GNAS-AS1: variants seen among roughly 807,000 people sequenced by gnomAD.
The protein encoded by GNAS-AS1 is GNAS antisense RNA 1 (non-protein coding).
chr20:58,830,327 TCAC>T (rs1280934477), intron 4 of GNAS-AS1, among the ~76,000 whole-genome samples: 111 of 50,514 alleles, frequency 2.2e-3, no homozygotes, highest in Middle Eastern at 0.026. Flanking sequence ...ACCATCATCA[TCAC>T]CACCACCATC....
intron 2 of GNAS-AS1, among the ~76,000 whole-genome samples, chr20:58,845,169 G>A (rs1389770689): frequency 6.6e-6 from 1 of 152,192 alleles, no homozygotes; most frequent in Non-Finnish European, 1.5e-5. Context: ...CACTGTGGGG[G>A]ACGGCAGACT....
intron 4 of GNAS-AS1, chr20:58,839,529 C>T: frequency 2.5e-6 from 1 of 405,138 alleles, no homozygotes; most frequent in East Asian, 3.5e-5. Flanking sequence ...TTGCCGCTTG[C>T]TCCTTGCCAC....
In GNAS-AS1 at chr20:58,841,898, C is replaced by A. The variant is rs2085745164; in HGVS notation, n.819+39G>T. The A allele has an allele frequency of 8.1e-6, 10 of 1,230,454 alleles. No homozygotes were observed. In the South Asian group the frequency reaches 3.7e-4, roughly 46 times the overall value. The allele number at this position is 1,230,454 out of a possible 1,614,324, so 76.2% of individuals were successfully genotyped here. A position where few individuals can be genotyped will look rare whatever the true frequency, so the allele number is the denominator to read the frequency against. On this transcript the variant is annotated intron_variant and non_coding_transcript_variant, in intron 4 of 4. Coordinates refer to ENST00000424094, the Ensembl canonical transcript of GNAS-AS1. This position sits in a 1 kb window ranked among gnomAD's most constrained non-coding sequence, Gnocchi z 5.0. Reference sequence around the variant, plus strand: ...AAGGTAAAGCGGAACAAGGGACAGGCTGGAGACGGGGGTCGCGTCTAACAT... The same window carrying A: ...AAGGTAAAGCGGAACAAGGGACAGGATGGAGACGGGGGTCGCGTCTAACAT...
chr20:58,833,416 T>C (rs898007730), intron 4 of GNAS-AS1, among the ~76,000 whole-genome samples: 1 of 152,226 alleles, frequency 6.6e-6, no homozygotes, highest in Non-Finnish European at 1.5e-5. Flanking sequence ...TTCTCATTTC[T>C]GACGTTGAGA....
At chr20:58,846,490 C>A (rs2085944824) in intron 2 of GNAS-AS1, among the ~76,000 whole-genome samples, 1 of 152,204 alleles carries the variant, frequency 6.6e-6, no homozygotes, top group Non-Finnish European at 1.5e-5. Context: ...AGTTTTCATA[C>A]AAGTACTTCA....
Position 58,841,612 on chromosome 20 carries a change from GC to G in GNAS-AS1, n.819+324del. 1 of 1,043,534 alleles carries G rather than the reference GC, an allele frequency of 9.6e-7. No individual in the cohort carries two copies. Among genetic ancestry groups the G allele is most frequent in the East Asian group, 7.2e-5 (1 of 13,972 alleles). 64.6% of individuals were successfully genotyped at this position (1,043,534 alleles called of 1,614,324 possible). On this transcript the variant is annotated intron_variant and non_coding_transcript_variant, in intron 4 of 4. Transcript: ENST00000424094. The surrounding 1 kb of genome is among the most constrained non-coding windows in gnomAD (Gnocchi z 5.0). ...ACCGCCTCAAAGAGCGTGCGCACCT[GC>G]CCGCGCGCGCCGGAGCTGACCTCTC...
chr20:58,829,436 T>C (rs1397408054), intron 4 of GNAS-AS1, among the ~76,000 whole-genome samples: 3 of 152,202 alleles, frequency 2.0e-5, no homozygotes, highest in Admixed American at 6.5e-5. Context: ...AGGCTTCCCA[T>C]GGTTTATGGC....
intron 2 of GNAS-AS1, among the ~76,000 whole-genome samples, chr20:58,843,670 A>T (rs2085830641): frequency 6.6e-6 from 1 of 152,230 alleles, no homozygotes; most frequent in Non-Finnish European, 1.5e-5. Flanking sequence ...GGAGCAGGAG[A>T]ATAAAGCTAG....
chr20:58,846,082 A>G (rs922881679), intron 2 of GNAS-AS1, among the ~76,000 whole-genome samples: 1 of 152,244 alleles, frequency 6.6e-6, no homozygotes, highest in African/African-American at 2.4e-5. Context: ...AAGGAAGACA[A>G]AAGGAAAAGA....
At chr20:58,830,176 T>C (rs1280228469) in intron 4 of GNAS-AS1, among the ~76,000 whole-genome samples, 2 of 143,312 alleles carry the variant, frequency 1.4e-5, no homozygotes, top group Non-Finnish European at 3.1e-5. Flanking sequence ...TATACCACTA[T>C]CATAACCACC....
At chr20:58,821,104 A>T (rs1001019763) in intron 4 of GNAS-AS1, among the ~76,000 whole-genome samples, 23 of 152,196 alleles carry the variant, frequency 1.5e-4, no homozygotes, top group African/African-American at 5.1e-4. Context: ...TGCACTTGCA[A>T]TCAGACCCCA....
At position 58,841,884 on chromosome 20, in the gene GNAS-AS1, GA is replaced by G. The variant is rs1280197030; in HGVS notation, n.819+52del. ...TCGTCGCAAGTGGAAAGGTAAAGCG[GA>G]ACAAGGGACAGGCTGGAGACGGGGG... On this transcript the variant is annotated intron_variant and non_coding_transcript_variant, in intron 4 of 4. Coordinates refer to ENST00000424094, the Ensembl canonical transcript of GNAS-AS1. This position sits in a 1 kb window ranked among gnomAD's most constrained non-coding sequence, Gnocchi z 5.0. 8.1e-7 allele frequency: 1 copy of G among 1,231,336 alleles called. No homozygotes were observed. Among genetic ancestry groups the G allele is most frequent in the Non-Finnish European group, 1.0e-6 (1 of 987,992 alleles). 76.3% of individuals were successfully genotyped at this position (1,231,336 alleles called of 1,614,324 possible). A position where few individuals can be genotyped will look rare whatever the true frequency, so the allele number is the denominator to read the frequency against.
chr20:58,839,950 T>C (rs1462977553), intron 4 of GNAS-AS1: 2 of 717,290 alleles, frequency 2.8e-6, no homozygotes, highest in Non-Finnish European at 4.7e-6. Flanking sequence ...GGTAGGTGCT[T>C]CCCTTTTTCT....
At chr20:58,821,784 G>A (rs561894907) in intron 4 of GNAS-AS1, among the ~76,000 whole-genome samples, 1 of 152,282 alleles carries the variant, frequency 6.6e-6, no homozygotes, top group East Asian at 1.9e-4. Flanking sequence ...GCCTGGATGA[G>A]CAAGAGAGAA....
chr20:58,831,984 A>T (rs1600647168), intron 4 of GNAS-AS1, among the ~76,000 whole-genome samples: 1 of 152,200 alleles, frequency 6.6e-6, no homozygotes, highest in Admixed American at 6.5e-5. Context: ...CCGCTGACTT[A>T]GTTCAACTCT....
rs917606178 is a variant in GNAS-AS1, at chr20:58,840,044, G to A, written n.819+1893C>T. The A allele has an allele frequency of 8.2e-6, 13 of 1,576,832 alleles. No individual in the cohort carries two copies. The highest frequency in any genetic ancestry group is 1.0e-5 in the Non-Finnish European group (12 of 1,155,868). On this transcript the variant is annotated intron_variant and non_coding_transcript_variant, in intron 4 of 4. Coordinates refer to ENST00000424094, the Ensembl canonical transcript of GNAS-AS1. This position sits in a 1 kb window ranked among gnomAD's most constrained non-coding sequence, Gnocchi z 6.0. ...CTTTCCCGGCTCCAGCAGCCAATGT[G>A]CTTCGGAGCCACTCTCTGCAGAGCC...
At chr20:58,825,865 G>A (rs1052836310) in intron 4 of GNAS-AS1, among the ~76,000 whole-genome samples, 2 of 152,216 alleles carry the variant, frequency 1.3e-5, no homozygotes, top group Non-Finnish European at 1.5e-5. Context: ...CGGCATGGAC[G>A]AGAGGGGAGC....
At chr20:58,831,598 T>G (rs191360129) in intron 4 of GNAS-AS1, among the ~76,000 whole-genome samples, 73 of 152,090 alleles carry the variant, frequency 4.8e-4, no homozygotes, top group African/African-American at 1.7e-3. Context: ...GCCACTGCAT[T>G]CCAGTCTGGG....
Position 58,841,726 on chromosome 20 carries a change from G to C in GNAS-AS1, n.819+211C>G. 1 of 1,223,694 alleles carries C rather than the reference G, an allele frequency of 8.2e-7. No homozygotes were observed. The allele number at this position is 1,223,694 out of a possible 1,614,324, so 75.8% of individuals were successfully genotyped here. On this transcript the variant is annotated intron_variant and non_coding_transcript_variant, in intron 4 of 4. Transcript: ENST00000424094. This position sits in a 1 kb window ranked among gnomAD's most constrained non-coding sequence, Gnocchi z 5.0. Reference sequence around the variant, plus strand: ...GGGGATGCCCCTACGGGCTACCAGGGTTGAACGCACAGGCATGGTCACGTC... The same window carrying C: ...GGGGATGCCCCTACGGGCTACCAGGCTTGAACGCACAGGCATGGTCACGTC...
Sources: gnomAD v4.1 joint callset for allele counts (sites outside exome capture counted in the v4.1 genomes callset) on GRCh38, gnomAD v4.1.1 for gene constraint, Gnocchi (gnomAD v3.1) non-coding constraint, MANE v1.5 for transcripts, NCBI Gene and HGNC (gene_info 2026-07-23, HGNC 2026-07-21) for gene names.